Variants in CTNNA2 observed in about 807,000 individuals in gnomAD.
The protein encoded by CTNNA2 is catenin alpha-2.
A neutral mutation model predicts 101.0 loss-of-function variants in CTNNA2; 42 were observed. The observed-to-expected ratio is 0.42, with a 90% CI of 0.32 to 0.54. The LOEUF (loss-of-function observed/expected upper bound fraction) is 0.54, where lower values mean the gene tolerates loss of function less well. Among genes scored for constraint, CTNNA2 ranks in the 20% least tolerant of loss-of-function variants. CTNNA2 has a pLI of 0.14. For missense variants in CTNNA2, 871 were observed against 1,223.1 expected (o/e 0.71, Z 4.29); for synonymous variants, 450 against 456.4 (o/e 0.99, Z 0.18).
intron 1 of CTNNA2, among the ~76,000 whole-genome samples, chr2:79,533,977 G>A (rs1414117102): frequency 2.0e-5 from 3 of 151,798 alleles, no homozygotes; most frequent in African/African-American, 7.2e-5. Flanking sequence ...ATACTGATCT[G>A]AGCCTTTATA....
chr2:80,374,682 C>CGTGCGT (rs1553507224), intron 7 of CTNNA2, among the ~76,000 whole-genome samples: 20 of 134,028 alleles, frequency 1.5e-4, no homozygotes, highest in African/African-American at 5.1e-4. Flanking sequence ...TGCGTGCGTG[C>CGTGCGT]GTGTGTGTGT....
chr2:80,513,798 G>C (rs1339268187), intron 9 of CTNNA2, among the ~76,000 whole-genome samples: 1 of 152,196 alleles, frequency 6.6e-6, no homozygotes, highest in African/African-American at 2.4e-5. Flanking sequence ...GAAAGAAGAG[G>C]AGAGTTAGAT....
chr2:79,937,535 TC>T (rs1420217258), intron 7 of CTNNA2, among the ~76,000 whole-genome samples: 2 of 152,216 alleles, frequency 1.3e-5, no homozygotes, highest in African/African-American at 4.8e-5. Flanking sequence ...TTTCAAATCA[TC>T]TGTATTTACA....
intron 7 of CTNNA2, among the ~76,000 whole-genome samples, chr2:80,236,190 T>G (rs925604234): frequency 2.6e-5 from 4 of 152,220 alleles, no homozygotes; most frequent in Non-Finnish European, 5.9e-5. Context: ...ATGTACCACA[T>G]TTTCTTTATC....
At chr2:79,721,758 T>C (rs1267797016) in intron 2 of CTNNA2, among the ~76,000 whole-genome samples, 1 of 152,190 alleles carries the variant, frequency 6.6e-6, no homozygotes, top group African/African-American at 2.4e-5. Context: ...TCGAATTTGG[T>C]TCTCAAATCA....
At chr2:79,896,440 C>G (rs1306589094) in intron 6 of CTNNA2, among the ~76,000 whole-genome samples, 1 of 152,206 alleles carries the variant, frequency 6.6e-6, no homozygotes, top group Admixed American at 6.5e-5. Flanking sequence ...ATATATTCAT[C>G]TGCAAATATT....
chr2:79,959,730 G>T (rs915659419), intron 7 of CTNNA2, among the ~76,000 whole-genome samples: 4 of 152,230 alleles, frequency 2.6e-5, no homozygotes, highest in African/African-American at 4.8e-5. Context: ...ACAAGTAGGA[G>T]CAGTGAGATT....
chr2:79,409,717 T>A (rs1252042963), intron 4 of CTNNA2, among the ~76,000 whole-genome samples: 1 of 149,640 alleles, frequency 6.7e-6, no homozygotes, highest in African/African-American at 2.5e-5. Flanking sequence ...GTAGTATAGT[T>A]TGAAGTCAGG....
chr2:79,223,539 C>T (rs886585867), intron 2 of CTNNA2, among the ~76,000 whole-genome samples: 1 of 152,116 alleles, frequency 6.6e-6, no homozygotes, highest in African/African-American at 2.4e-5. Context: ...CAATTTCTCT[C>T]ATCAGTCTAT....
intron 7 of CTNNA2, among the ~76,000 whole-genome samples, chr2:80,177,039 C>T (rs1343901624): frequency 1.3e-5 from 2 of 152,104 alleles, no homozygotes; most frequent in Non-Finnish European, 2.9e-5. Flanking sequence ...TTGTCCCAGC[C>T]CTGCAAAGTA....
At chr2:80,574,898 T>C (rs1295599130) in intron 13 of CTNNA2, among the ~76,000 whole-genome samples, 1 of 152,182 alleles carries the variant, frequency 6.6e-6, no homozygotes, top group Non-Finnish European at 1.5e-5. Flanking sequence ...ATAATTAATA[T>C]ATATATTCAC....
chr2:79,933,738 A>G (rs903832432), intron 7 of CTNNA2, among the ~76,000 whole-genome samples: 3 of 152,184 alleles, frequency 2.0e-5, no homozygotes, highest in African/African-American at 7.2e-5. Context: ...TACAGGCATG[A>G]GCCATCGCAC....
chr2:80,581,114 C>A (rs1265101079), intron 13 of CTNNA2, among the ~76,000 whole-genome samples: 1 of 152,170 alleles, frequency 6.6e-6, no homozygotes, highest in Non-Finnish European at 1.5e-5. Flanking sequence ...ATCTTCACAG[C>A]AATCATAGAG....
chr2:79,564,562 T>C (rs2104158362), intron 1 of CTNNA2, among the ~76,000 whole-genome samples: 1 of 152,294 alleles, frequency 6.6e-6, no homozygotes, highest in South Asian at 2.1e-4. Flanking sequence ...AATCCTACTC[T>C]GGGGATCATG....
At chr2:80,632,033 T>C (rs1672351809) in intron 18 of CTNNA2, among the ~76,000 whole-genome samples, 1 of 152,262 alleles carries the variant, frequency 6.6e-6, no homozygotes, top group South Asian at 2.1e-4. Flanking sequence ...ATTAAATTGA[T>C]GCATAAGACC....
At chr2:80,408,997 A>G (rs1679310929) in intron 8 of CTNNA2, among the ~76,000 whole-genome samples, 1 of 152,184 alleles carries the variant, frequency 6.6e-6, no homozygotes, top group Non-Finnish European at 1.5e-5. Flanking sequence ...AACAATGTCT[A>G]GGAAAGTTCT....
Position 80,328,485 on chromosome 2 carries a change from C to T in CTNNA2, c.1057-64726C>T, listed in dbSNP as rs535878571. On this transcript the variant is annotated intron_variant, in intron 7 of 18. Transcript: ENST00000402739. ...ATAGATTTGGAGCAGTCATCTGGAG[C>T]AGCAGGTAGTCCAGAGAGTCAGCCC... 19 of 430,908 alleles carry T rather than the reference C, an allele frequency of 4.4e-5. No individual in the cohort carries two copies. The East Asian group carries it at 1.4e-3, about 31-fold the overall frequency. The allele number at this position is 430,908 out of a possible 1,614,324, so 26.7% of individuals were successfully genotyped here.
At chr2:79,415,752 T>C (rs1418179189) in intron 4 of CTNNA2, among the ~76,000 whole-genome samples, 1 of 152,072 alleles carries the variant, frequency 6.6e-6, no homozygotes, top group African/African-American at 2.4e-5. Flanking sequence ...TTAAAGTTTT[T>C]TTTCATCCCA....
chr2:80,411,366 G>C (rs1679557908), intron 8 of CTNNA2, among the ~76,000 whole-genome samples: 1 of 151,956 alleles, frequency 6.6e-6, no homozygotes, highest in Non-Finnish European at 1.5e-5. Flanking sequence ...CCCAGAGTAG[G>C]GATTCATTAG....
Sources: allele counts gnomAD v4.1 joint callset (sites outside exome capture counted in the v4.1 genomes callset), GRCh38; gene constraint gnomAD v4.1.1; transcripts MANE v1.5; gene names NCBI Gene and HGNC (gene_info 2026-07-23, HGNC 2026-07-21).